CTNNA3: variants seen among roughly 807,000 people sequenced by gnomAD.
CTNNA3 encodes the protein catenin alpha 3.
A neutral mutation model predicts 95.7 loss-of-function variants in CTNNA3; 76 were observed. The observed-to-expected ratio is 0.79, with a 90% CI of 0.66 to 0.96. CTNNA3 has a LOEUF of 0.96. CTNNA3 is among the 40% of genes least tolerant of loss of function. The pLI, the probability that CTNNA3 is intolerant of heterozygous loss-of-function variation, is 0.00. For missense variants in CTNNA3, 1,191 were observed against 1,089.8 expected (o/e 1.09, Z -1.31); for synonymous variants, 431 against 374.4 (o/e 1.15, Z -1.74).
At chr10:66,492,129 C>T (rs1286238947) in intron 11 of CTNNA3, among the ~76,000 whole-genome samples, 1 of 152,102 alleles carries the variant, frequency 6.6e-6, no homozygotes, top group African/African-American at 2.4e-5. Flanking sequence ...CAATGTTTCC[C>T]ACAAGAAAAT....
intron 5 of CTNNA3, among the ~76,000 whole-genome samples, chr10:67,281,955 A>G (rs1219994989): frequency 6.6e-6 from 1 of 152,178 alleles, no homozygotes; most frequent in African/African-American, 2.4e-5. Flanking sequence ...TACTCTCTAC[A>G]TAGAAAACCT....
intron 5 of CTNNA3, among the ~76,000 whole-genome samples, chr10:67,512,299 C>T (rs1839661558): frequency 6.6e-6 from 1 of 152,080 alleles, no homozygotes; most frequent in Admixed American, 6.6e-5. Context: ...TAAATTGGTA[C>T]AGCCACTATG....
intron 1 of CTNNA3, among the ~76,000 whole-genome samples, chr10:67,660,480 A>G (rs1353966208): frequency 3.9e-5 from 6 of 152,198 alleles, no homozygotes; most frequent in Non-Finnish European, 7.3e-5. Context: ...CACAGCAAAA[A>G]AAGAAAAGAT....
intron 2 of CTNNA3, among the ~76,000 whole-genome samples, chr10:67,612,966 G>A (rs1039702600): frequency 6.6e-6 from 1 of 152,130 alleles, no homozygotes; most frequent in African/African-American, 2.4e-5. Flanking sequence ...ATTCCCACTA[G>A]AGCCGTCTCT....
intron 13 of CTNNA3, among the ~76,000 whole-genome samples, chr10:66,144,046 T>G (rs1032368040): frequency 2.4e-4 from 36 of 152,236 alleles, no homozygotes; most frequent in African/African-American, 8.2e-4. Flanking sequence ...TATGCCCTGA[T>G]AGAATTCTAT....
intron 1 of CTNNA3, among the ~76,000 whole-genome samples, chr10:67,726,873 TATTA>T (rs1342085878): frequency 8.7e-6 from 1 of 114,392 alleles, no homozygotes; most frequent in Non-Finnish European, 1.6e-5. Context: ...TATAATTATA[TATTA>T]TATATAATGA....
At chr10:66,215,041 A>C (rs2088430020) in intron 13 of CTNNA3, among the ~76,000 whole-genome samples, 1 of 149,360 alleles carries the variant, frequency 6.7e-6, no homozygotes, top group South Asian at 2.2e-4. Context: ...GTTATTGTGA[A>C]ATATAAACTA....
chr10:66,012,138 T>C (rs1190118445), intron 15 of CTNNA3, among the ~76,000 whole-genome samples: 1 of 151,786 alleles, frequency 6.6e-6, no homozygotes, highest in African/African-American at 2.4e-5. Context: ...AGACCAGGAG[T>C]TTTCCTAGGC....
chr10:66,334,963 G>A lies in CTNNA3; in HGVS notation c.1732+44189C>T, dbSNP rs547498705. 8.3e-4 allele frequency among the ~76,000 whole-genome samples: 126 copies of A among 151,788 alleles called. 1 individual carries two copies. The highest frequency in any genetic ancestry group is 1.6e-3 in the Admixed American group (24 of 15,234). ...CTTTTTTCTGTAAACTTCTCTTCTC[G>A]CTTCATTTTATTCATTTGATCTTAC... On this transcript the variant is annotated intron_variant, in intron 12 of 17. Coordinates refer to ENST00000433211, the MANE Select transcript of CTNNA3 (RefSeq NM_013266.4).
At chr10:65,993,426 A>T (rs953873147) in intron 15 of CTNNA3, among the ~76,000 whole-genome samples, 1 of 152,164 alleles carries the variant, frequency 6.6e-6, no homozygotes, top group African/African-American at 2.4e-5. Context: ...GGATGATTTC[A>T]TATTGGGTAC....
intron 5 of CTNNA3, among the ~76,000 whole-genome samples, chr10:67,254,883 T>C (rs1866271679): frequency 6.6e-6 from 1 of 152,246 alleles, no homozygotes; most frequent in Non-Finnish European, 1.5e-5. Flanking sequence ...CGCCTAATGA[T>C]GCATTTCTCA....
chr10:67,683,926 G>A (rs1840677374), intron 1 of CTNNA3, among the ~76,000 whole-genome samples: 1 of 152,216 alleles, frequency 6.6e-6, no homozygotes, highest in African/African-American at 2.4e-5. Context: ...CAGGAATGAA[G>A]CCGCAGACCC....
intron 7 of CTNNA3, among the ~76,000 whole-genome samples, chr10:66,861,939 C>G (rs7902786): frequency 0.87 from 132,378 of 152,264 alleles, 57,984 homozygotes; most frequent in African/African-American, 0.96. Flanking sequence ...TGTTAGCCAG[C>G]CACTGTGGGT....
chr10:66,144,131 C>G (rs1366280275), intron 13 of CTNNA3, among the ~76,000 whole-genome samples: 1 of 152,012 alleles, frequency 6.6e-6, no homozygotes, highest in Non-Finnish European at 1.5e-5. Context: ...TCTGTGATTT[C>G]TTTTTTTACT....
At chr10:66,001,311 T>A (rs1016048310) in intron 15 of CTNNA3, among the ~76,000 whole-genome samples, 4 of 152,114 alleles carry the variant, frequency 2.6e-5, no homozygotes, top group African/African-American at 9.7e-5. Context: ...ACACTGAAAC[T>A]CAGCCATTCC....
intron 9 of CTNNA3, among the ~76,000 whole-genome samples, chr10:66,693,681 C>G (rs1466294807): frequency 6.6e-6 from 1 of 152,032 alleles, no homozygotes; most frequent in Admixed American, 6.6e-5. Context: ...CCACACCACA[C>G]CTATTCCAAA....
At chr10:67,420,133 A>G (rs1845697450) in intron 5 of CTNNA3, among the ~76,000 whole-genome samples, 1 of 152,268 alleles carries the variant, frequency 6.6e-6, no homozygotes, top group East Asian at 1.9e-4. Flanking sequence ...GACATTTTAA[A>G]AGCCAACATC....
chr10:67,356,760 A>G (rs988440213), intron 5 of CTNNA3, among the ~76,000 whole-genome samples: 2 of 151,964 alleles, frequency 1.3e-5, no homozygotes, highest in African/African-American at 4.8e-5. Context: ...CTTAGATTCC[A>G]TGGTCCATCA....
intron 9 of CTNNA3, among the ~76,000 whole-genome samples, chr10:66,651,545 G>T (rs538681585): frequency 6.6e-6 from 1 of 152,138 alleles, no homozygotes; most frequent in South Asian, 2.1e-4. Context: ...CGGGCCTTGC[G>T]TGGGGAGGGG....
Sources: allele counts gnomAD v4.1 joint callset (sites outside exome capture counted in the v4.1 genomes callset), GRCh38; gene constraint gnomAD v4.1.1; transcripts MANE v1.5; gene names NCBI Gene and HGNC (gene_info 2026-07-23, HGNC 2026-07-21).